Variants in HEPACAM2 observed in about 807,000 individuals in gnomAD.
HEPACAM2 encodes HEPACAM family member 2.
In HEPACAM2, 49 loss-of-function variants were observed where a neutral mutation model predicts 49.6. That is an observed-to-expected ratio of 0.99 (90% CI 0.78 to 1.25). The LOEUF (loss-of-function observed/expected upper bound fraction) is 1.25, where lower values mean the gene tolerates loss of function less well. Ranked by LOEUF, HEPACAM2 falls within the 50% of genes most tolerant of loss-of-function variation. The pLI is 0.00. For missense variants in HEPACAM2, 525 were observed against 557.2 expected, an observed-to-expected ratio of 0.94 and a Z score of 0.58; for synonymous variants, 197 against 202.9, an observed-to-expected ratio of 0.97 and a Z score of 0.25.
At chr7:93,212,951 C>A (rs1794212652) in intron 3 of HEPACAM2, among the ~76,000 whole-genome samples, 1 of 152,026 alleles carries the variant, frequency 6.6e-6, no homozygotes, top group South Asian at 2.1e-4. Flanking sequence ...GCAGAGAGCT[C>A]CCAATAGAAA....
At chr7:93,209,924 C>G (rs1168138540) in intron 3 of HEPACAM2, among the ~76,000 whole-genome samples, 1 of 151,754 alleles carries the variant, frequency 6.6e-6, no homozygotes. Context: ...CACCCACACC[C>G]CAGCTAAGAT....
At chr7:93,201,876 C>G (rs970341085) in intron 4 of HEPACAM2, among the ~76,000 whole-genome samples, 1 of 151,750 alleles carries the variant, frequency 6.6e-6, no homozygotes, top group Non-Finnish European at 1.5e-5. Flanking sequence ...TCTCTACCAT[C>G]CTAGAGGTGC....
intron 4 of HEPACAM2, among the ~76,000 whole-genome samples, chr7:93,199,790 CCCT>C (rs1414890354): frequency 6.6e-6 from 1 of 151,962 alleles, no homozygotes; most frequent in Non-Finnish European, 1.5e-5. Context: ...CTATTTTTTT[CCCT>C]CATTTCCTCA....
At chr7:93,207,120 A>T (rs1273591240) in intron 4 of HEPACAM2, among the ~76,000 whole-genome samples, 1 of 152,098 alleles carries the variant, frequency 6.6e-6, no homozygotes, top group Non-Finnish European at 1.5e-5. Flanking sequence ...ATACTGAAAA[A>T]CTGAGCCTAA....
intron 8 of HEPACAM2, 81 bp downstream of exon 8, chr7:93,195,747 C>A: frequency 9.8e-7 from 1 of 1,022,742 alleles, no homozygotes; most frequent in Admixed American, 1.8e-5. Context: ...CCACACTGCC[C>A]AGTGCTTAAA....
intron 4 of HEPACAM2, among the ~76,000 whole-genome samples, chr7:93,202,032 C>CAAAAAAAAAAAAAACAAAAAAAAAA (rs1793902016): frequency 9.8e-6 from 1 of 102,008 alleles, no homozygotes; most frequent in Non-Finnish European, 1.9e-5. Context: ...AAAAAAAAAC[C>CAAAAAAAAAAAAAACAAAAAAAAAA]AAAAAAAAAA....
chr7:93,230,586 G>A (rs986317395), upstream of HEPACAM2, among the ~76,000 whole-genome samples: 1 of 152,166 alleles, frequency 6.6e-6, no homozygotes, highest in Non-Finnish European at 1.5e-5. Context: ...TGCCTTGAGC[G>A]CAACAATCAA....
intron 9 of HEPACAM2, among the ~76,000 whole-genome samples, chr7:93,189,517 C>T (rs376831138): frequency 6.6e-6 from 1 of 151,884 alleles, no homozygotes; most frequent in Admixed American, 6.6e-5. Flanking sequence ...AATATACTAA[C>T]GTCAGTCTTG....
intron 2 of HEPACAM2, 40 bp from the exon 3 acceptor site, chr7:93,215,725 A>G (rs1794293506): frequency 6.3e-7 from 1 of 1,587,194 alleles, no homozygotes; most frequent in Non-Finnish European, 8.6e-7. Flanking sequence ...TTTTCTTTTC[A>G]TGGAAATATA....
upstream of HEPACAM2, among the ~76,000 whole-genome samples, chr7:93,227,781 T>C (rs543025156): frequency 6.6e-6 from 1 of 152,276 alleles, no homozygotes; most frequent in East Asian, 1.9e-4. Context: ...ACTTATCTCC[T>C]TAATCTTTAT....
At chr7:93,221,773 A>G (rs1402387874) in intron 1 of HEPACAM2, among the ~76,000 whole-genome samples, 2 of 152,184 alleles carry the variant, frequency 1.3e-5, no homozygotes, top group African/African-American at 2.4e-5. Flanking sequence ...TTATTGTCTC[A>G]TTGGCCTCTG....
chr7:93,221,696 C>T (rs1480990587), intron 1 of HEPACAM2, among the ~76,000 whole-genome samples: 1 of 152,180 alleles, frequency 6.6e-6, no homozygotes, highest in African/African-American at 2.4e-5. Context: ...GACTCCTAGA[C>T]TTGCAACTGA....
intron 4 of HEPACAM2, among the ~76,000 whole-genome samples, chr7:93,205,288 G>A (rs1417708123): frequency 6.6e-6 from 1 of 152,042 alleles, no homozygotes; most frequent in South Asian, 2.1e-4. Flanking sequence ...GTCTTAGAAA[G>A]AGAAAAACAC....
chr7:93,221,715 A>G lies in HEPACAM2; in HGVS notation c.80-2264T>C, dbSNP rs73712804. 8.1e-3 allele frequency among the ~76,000 whole-genome samples: 1,238 copies of G among 152,316 alleles called. 13 individuals are homozygous for G. Among genetic ancestry groups the G allele is most frequent in the African/African-American group, 0.027 (1,140 of 41,578 alleles). On this transcript the variant is annotated intron_variant, in intron 1 of 9. Transcript: ENST00000394468. ...CCTAGACTTGCAACTGAAACTTACC[A>G]TATGGACTGAAAAGCAGATGACTGT...
At chr7:93,202,382 TAGTC>T (rs1382171323) in intron 4 of HEPACAM2, among the ~76,000 whole-genome samples, 1 of 152,088 alleles carries the variant, frequency 6.6e-6, no homozygotes, top group Non-Finnish European at 1.5e-5. Flanking sequence ...ATATTTGCCA[TAGTC>T]AGTAAGTCCT....
chr7:93,189,195 A>G lies in HEPACAM2; in HGVS notation c.*72T>C, dbSNP rs908897660. The G allele has an allele frequency of 7.6e-7, 1 of 1,313,538 alleles. No homozygotes were observed. The highest frequency in any genetic ancestry group is 1.5e-5 in the African/African-American group (1 of 68,296). 81.4% of individuals were successfully genotyped at this position (1,313,538 alleles called of 1,614,324 possible). Reference sequence around the variant, plus strand: ...TTCTTCACTGATTCCAGATTAATATACTTTTCCACTGTTTTTCCTTAAAAT... The same window carrying G: ...TTCTTCACTGATTCCAGATTAATATGCTTTTCCACTGTTTTTCCTTAAAAT... On this transcript the variant is annotated 3_prime_UTR_variant, in exon 10 of 10. Coordinates refer to ENST00000394468, the MANE Select transcript of HEPACAM2 (RefSeq NM_001039372.4).
rs1190420222 is a variant in HEPACAM2, at chr7:93,218,966, T to C, written c.430+135A>G. The C allele has an allele frequency of 6.0e-6, 4 of 662,916 alleles. No homozygotes were observed. The East Asian group carries it at 1.1e-4, about 18-fold the overall frequency. The allele number at this position is 662,916 out of a possible 1,614,324, so 41.1% of individuals were successfully genotyped here. A position where few individuals can be genotyped will look rare whatever the true frequency, so the allele number is the denominator to read the frequency against. On this transcript the variant is annotated intron_variant, in intron 2 of 9. Coordinates refer to ENST00000394468, the MANE Select transcript of HEPACAM2 (RefSeq NM_001039372.4). ...AGATAATGTCATTAGTGCCATGAGA[T>C]ATTGAGGCTTTGAGGATTAATTGAT...
chr7:93,209,643 T>C (rs973234381), intron 3 of HEPACAM2, among the ~76,000 whole-genome samples: 1 of 151,988 alleles, frequency 6.6e-6, no homozygotes, highest in African/African-American at 2.4e-5. Context: ...TTCTACTCTC[T>C]ATGTCTATTA....
chr7:93,227,963 C>T (rs1215707903), upstream of HEPACAM2, among the ~76,000 whole-genome samples: 1 of 152,056 alleles, frequency 6.6e-6, no homozygotes, highest in East Asian at 1.9e-4. Flanking sequence ...TCAGTTGATG[C>T]GTAAGAAATA....
Sources: gnomAD v4.1 joint callset for allele counts (sites outside exome capture counted in the v4.1 genomes callset) on GRCh38, gnomAD v4.1.1 for gene constraint, MANE v1.5 for transcripts, NCBI Gene and HGNC (gene_info 2026-07-23, HGNC 2026-07-21) for gene names.